The following NXPH2 variants were observed in gnomAD, a reference collection of about 807,000 sequenced individuals.
NXPH2 encodes neurexophilin 2.
A neutral mutation model predicts 19.8 loss-of-function variants in NXPH2; 5 were observed. That is an observed-to-expected ratio of 0.25 (90% CI 0.13 to 0.53). The LOEUF is 0.53. Among genes scored for constraint, NXPH2 ranks in the 20% least tolerant of loss-of-function variants. The pLI is 0.96. For synonymous variants in NXPH2, 154 were observed against 127.4 expected, an observed-to-expected ratio of 1.21 and a Z score of -1.41; for missense variants, 289 against 322.8, an observed-to-expected ratio of 0.90 and a Z score of 0.80.
chr2:138,679,971 AG>A (rs1680548358), intron 1 of NXPH2, among the ~76,000 whole-genome samples: 1 of 152,090 alleles, frequency 6.6e-6, no homozygotes, highest in Non-Finnish European at 1.5e-5. Flanking sequence ...TTGCAGAAAA[AG>A]ATCTGTCACT....
chr2:138,678,486 AT>A (rs35276129), intron 1 of NXPH2, among the ~76,000 whole-genome samples: 81,747 of 150,622 alleles, frequency 0.54, 22,664 homozygotes, highest in Non-Finnish European at 0.59. Flanking sequence ...TTGGTTTAGG[AT>A]TTTTTTTTTT....
chr2:138,713,620 T>C (rs546910937), intron 1 of NXPH2, among the ~76,000 whole-genome samples: 212 of 152,180 alleles, frequency 1.4e-3, no homozygotes, highest in African/African-American at 4.9e-3. Context: ...TGTGTGTGTG[T>C]GTTTTAATTG....
chr2:138,731,109 C>G (rs574560445), intron 1 of NXPH2, among the ~76,000 whole-genome samples: 1 of 152,264 alleles, frequency 6.6e-6, no homozygotes, highest in East Asian at 1.9e-4. Context: ...TTATTTACTT[C>G]TTTTTATTTA....
chr2:138,680,540 G>C (rs957652287), intron 1 of NXPH2, among the ~76,000 whole-genome samples: 1 of 152,208 alleles, frequency 6.6e-6, no homozygotes, highest in East Asian at 1.9e-4. Context: ...TTTGCAGACA[G>C]CAAGGGGGTG....
Position 138,683,174 on chromosome 2 carries a change from A to G in NXPH2, c.52-11509T>C, listed in dbSNP as rs374577665. The stretch of plus-strand genomic sequence containing the variant: ...AGTCAAACAAGGTATTCTTTTGATA[A>G]TCTAGTAGACTGAAATACTGCTTTT... On this transcript the variant is annotated intron_variant, in intron 1 of 1. Transcript: ENST00000272641. Among the ~76,000 whole-genome samples, 16 of 152,296 alleles carry G rather than the reference A, an allele frequency of 1.1e-4. No individual in the cohort carries two copies. The East Asian group carries it at 1.9e-3, about 18-fold the overall frequency.
chr2:138,686,290 C>T (rs1445727734), intron 1 of NXPH2, among the ~76,000 whole-genome samples: 4 of 152,112 alleles, frequency 2.6e-5, no homozygotes, highest in African/African-American at 4.8e-5. Flanking sequence ...AACCTCTTCC[C>T]GTATCTGTCT....
chr2:138,692,928 T>C (rs951815639), intron 1 of NXPH2, among the ~76,000 whole-genome samples: 1 of 152,234 alleles, frequency 6.6e-6, no homozygotes, highest in African/African-American at 2.4e-5. Context: ...TTTGTTCATA[T>C]AAATTAAACT....
intron 1 of NXPH2, among the ~76,000 whole-genome samples, chr2:138,706,157 TAAC>T (rs1392851235): frequency 6.6e-6 from 1 of 152,238 alleles, no homozygotes; most frequent in Non-Finnish European, 1.5e-5. Flanking sequence ...AATAAAAAGA[TAAC>T]AAATATTTAC....
intron 1 of NXPH2, among the ~76,000 whole-genome samples, chr2:138,741,875 G>T (rs755517318): frequency 1.3e-5 from 2 of 152,148 alleles, no homozygotes; most frequent in Admixed American, 6.5e-5. Context: ...GACTTGTATT[G>T]CATTCATTTG....
chr2:138,765,710 A>G (rs1333953566), intron 1 of NXPH2, among the ~76,000 whole-genome samples: 1 of 152,232 alleles, frequency 6.6e-6, no homozygotes. Flanking sequence ...CACTGAATCA[A>G]ATTTTACACT....
At chr2:138,747,307 T>A (rs1215687686) in intron 1 of NXPH2, among the ~76,000 whole-genome samples, 13 of 152,040 alleles carry the variant, frequency 8.6e-5, no homozygotes, top group Admixed American at 8.5e-4. Flanking sequence ...CTGGGGCTGG[T>A]AGTTGTTGGG....
At chr2:138,696,166 G>A (rs1387845235) in intron 1 of NXPH2, among the ~76,000 whole-genome samples, 1 of 152,170 alleles carries the variant, frequency 6.6e-6, no homozygotes, top group Non-Finnish European at 1.5e-5. Context: ...AGACAAAAAT[G>A]TAGGCACATG....
chr2:138,754,785 A>C (rs1003317423), intron 1 of NXPH2, among the ~76,000 whole-genome samples: 1 of 152,168 alleles, frequency 6.6e-6, no homozygotes, highest in African/African-American at 2.4e-5. Flanking sequence ...CAAATATTAC[A>C]GTCAAGCTAC....
intron 1 of NXPH2, among the ~76,000 whole-genome samples, chr2:138,699,010 A>G (rs1050052557): frequency 7.2e-5 from 11 of 152,206 alleles, no homozygotes; most frequent in African/African-American, 2.7e-4. Flanking sequence ...GATTCTTAGC[A>G]TACCAGGGAC....
chr2:138,754,761 G>T (rs909508615), intron 1 of NXPH2, among the ~76,000 whole-genome samples: 13 of 152,132 alleles, frequency 8.5e-5, no homozygotes, highest in Admixed American at 4.6e-4. Context: ...ATAAGAAGCT[G>T]TCAAACTGTC....
At chr2:138,776,476 G>C (rs1682264233) in intron 1 of NXPH2, among the ~76,000 whole-genome samples, 1 of 151,980 alleles carries the variant, frequency 6.6e-6, no homozygotes, top group African/African-American at 2.4e-5. Flanking sequence ...ACTTGTACTG[G>C]GAGGTGGGTG....
chr2:138,771,854 T>G (rs1300708212), intron 1 of NXPH2, among the ~76,000 whole-genome samples: 1 of 152,134 alleles, frequency 6.6e-6, no homozygotes, highest in Non-Finnish European at 1.5e-5. Flanking sequence ...TCTGGCAAAG[T>G]GCCTCCCCAA....
intron 1 of NXPH2, among the ~76,000 whole-genome samples, chr2:138,715,885 A>G (rs1400353997): frequency 6.6e-6 from 1 of 151,882 alleles, no homozygotes. Flanking sequence ...AAGGGCAGGA[A>G]CTCTCCATGC....
intron 1 of NXPH2, among the ~76,000 whole-genome samples, chr2:138,779,634 C>T (rs575932695): frequency 6.6e-5 from 10 of 152,202 alleles, no homozygotes; most frequent in African/African-American, 1.9e-4. Flanking sequence ...TAGCGCCAGA[C>T]GGAAAACGAA....
Sources: gnomAD v4.1 joint callset for allele counts (sites outside exome capture counted in the v4.1 genomes callset) on GRCh38, gnomAD v4.1.1 for gene constraint, MANE v1.5 for transcripts, NCBI Gene and HGNC (gene_info 2026-07-23, HGNC 2026-07-21) for gene names.